Variants in ZFX observed in about 807,000 individuals in gnomAD.
ZFX encodes zinc finger protein X-linked, also known as zinc finger X-chromosomal protein.
For synonymous variants in ZFX, 196 were observed against 226.8 expected, an observed-to-expected ratio of 0.86 and a Z score of 1.22; for missense variants, 362 against 628.3, an observed-to-expected ratio of 0.58 and a Z score of 4.53.
chrX:24,153,148 GTAT>G (rs1468617677), intron 3 of ZFX, among the ~76,000 whole-genome samples: 1 of 111,783 alleles, frequency 8.9e-6, no homozygotes, highest in Admixed American at 9.5e-5. Flanking sequence ...AATCTTCTTT[GTAT>G]TATTTGTTCT....
chrX:24,187,465 AATG>A (rs756378447), intron 5 of ZFX, among the ~76,000 whole-genome samples: 6 of 112,056 alleles, frequency 5.4e-5, no homozygotes, highest in Non-Finnish European at 1.1e-4. Flanking sequence ...TTACAATAAT[AATG>A]AATTCCAAAT....
intron 5 of ZFX, among the ~76,000 whole-genome samples, chrX:24,186,634 T>C (rs73626813): frequency 0.032 from 3,484 of 110,249 alleles, 132 homozygotes; most frequent in African/African-American, 0.11. Flanking sequence ...TAAAAAAAAA[T>C]CAAAAACCAA....
chrX:24,164,474 C>T (rs1262797626), intron 3 of ZFX, among the ~76,000 whole-genome samples: 3 of 111,494 alleles, frequency 2.7e-5, no homozygotes, highest in Non-Finnish European at 5.6e-5. Context: ...ACTGAGTTTA[C>T]AGAACCTCAT....
intron 3 of ZFX, among the ~76,000 whole-genome samples, chrX:24,171,401 A>G (rs1445678183): frequency 1.8e-5 from 2 of 111,066 alleles, no homozygotes; most frequent in Non-Finnish European, 3.8e-5. Context: ...ACATGCTGAC[A>G]GTGGTAGAGG....
At chrX:24,187,154 G>A (rs764285892) in intron 5 of ZFX, among the ~76,000 whole-genome samples, 3 of 111,986 alleles carry the variant, frequency 2.7e-5, no homozygotes, top group African/African-American at 6.5e-5. Context: ...CATGCCTGTA[G>A]ATGTGCAGTG....
chrX:24,174,075 T>C (rs1209175744), intron 4 of ZFX, among the ~76,000 whole-genome samples: 1 of 109,821 alleles, frequency 9.1e-6, no homozygotes, highest in East Asian at 2.9e-4. Context: ...TATCTGGGTG[T>C]GGTGGTGCAC....
Position 24,210,330 on chromosome X carries a change from T to C in ZFX, c.1372T>C (p.Cys458Arg). 8.3e-7 allele frequency: 1 copy of C among 1,211,802 alleles called. No homozygotes were observed. Among genetic ancestry groups the C allele is most frequent in the Non-Finnish European group, 1.1e-6 (1 of 895,590 alleles). Reference sequence around the variant, plus strand: ...ACACCTTGCCAAGAAGAAATACCGCTGTACTGACTGTGATTACACTACCAA... The same window carrying C: ...ACACCTTGCCAAGAAGAAATACCGCCGTACTGACTGTGATTACACTACCAA... ...PEHLAKKKYR[C>R]TDCDYTTNKK... Residue 458 changes from cysteine to arginine, a missense_variant, in exon 10 of 10, where the codon TGT becomes CGT. Cys to Arg is a radical substitution (Grantham distance 180). Transcript: ENST00000304543.
chrX:24,168,832 G>A (rs946990137), intron 3 of ZFX, among the ~76,000 whole-genome samples: 1 of 110,063 alleles, frequency 9.1e-6, no homozygotes, highest in African/African-American at 3.3e-5. Context: ...CCTTGAGGGC[G>A]TTTGATAGTA....
chrX:24,179,856 T>A, intron 5 of ZFX, 86 bp downstream of exon 5: 1 of 833,549 alleles, frequency 1.2e-6, no homozygotes, highest in Non-Finnish European at 1.7e-6. Context: ...TTTCTTGACT[T>A]AAATGTCTGT....
rs752464015 is a variant in ZFX at position 24,201,840 on chromosome X, T to A, written c.647-5486T>A. Among the ~76,000 whole-genome samples the A allele has an allele frequency of 4.4e-5, 5 of 112,621 alleles. No individual in the cohort carries two copies. In the East Asian group the frequency reaches 1.4e-3, roughly 31 times the overall value. The stretch of plus-strand genomic sequence containing the variant: ...AATCAAAATACTTTAATTTAGATAG[T>A]TATGTCCAGCGTTTAGAGAACCTGT... On this transcript the variant is annotated intron_variant, in intron 5 of 9. Transcript: ENST00000304543.
chrX:24,185,095 G>A (rs958765113), intron 5 of ZFX, among the ~76,000 whole-genome samples: 4 of 111,966 alleles, frequency 3.6e-5, no homozygotes, highest in Non-Finnish European at 7.5e-5. Context: ...GGGATGACAG[G>A]CATGTGCCAC....
intron 5 of ZFX, among the ~76,000 whole-genome samples, chrX:24,185,223 C>G (rs1936008970): frequency 9.0e-6 from 1 of 111,337 alleles, no homozygotes; most frequent in Non-Finnish European, 1.9e-5. Context: ...ACTTCAGCCT[C>G]CCCAATTTCT....
In ZFX at chrX:24,211,640, GTTTTATATCTTAGAA is replaced by G. The variant is rs990879702; in HGVS notation, c.*273_*287del. The G allele has an allele frequency of 7.8e-5, 24 of 308,185 alleles. No homozygotes were observed. The Admixed American group carries it at 1.2e-3, about 15-fold the overall frequency. 25.4% of individuals were successfully genotyped at this position (308,185 alleles called of 1,213,427 possible). ...AAGTAATCCCTGATTCTATACCGAA[GTTTTATATCTTAGAA>G]TTTTATATTTATTTAAATATTTACC... On this transcript the variant is annotated 3_prime_UTR_variant, in exon 10 of 10. Coordinates refer to ENST00000304543, the MANE Select transcript of ZFX (RefSeq NM_003410.4).
intron 5 of ZFX, among the ~76,000 whole-genome samples, chrX:24,180,910 A>G (rs928876106): frequency 1.3e-4 from 15 of 112,085 alleles, no homozygotes; most frequent in African/African-American, 4.5e-4. Context: ...TGGAAAGACA[A>G]CCGTTATCTT....
At chrX:24,152,118 A>C (rs975761536) in intron 2 of ZFX, among the ~76,000 whole-genome samples, 1 of 110,222 alleles carries the variant, frequency 9.1e-6, no homozygotes, top group Non-Finnish European at 1.9e-5. Context: ...CGAAAATGAG[A>C]AATGAGTATT....
intron 5 of ZFX, among the ~76,000 whole-genome samples, chrX:24,204,414 C>T (rs1377530152): frequency 8.9e-6 from 1 of 111,784 alleles, no homozygotes; most frequent in East Asian, 2.8e-4. Flanking sequence ...GAGATCACGA[C>T]AGAACTTTGC....
intron 3 of ZFX, among the ~76,000 whole-genome samples, chrX:24,168,623 C>G (rs1224100101): frequency 1.9e-5 from 2 of 107,622 alleles, no homozygotes; most frequent in Non-Finnish European, 3.8e-5. Context: ...CTGGGTTCTC[C>G]TAGCCCATTA....
chrX:24,206,289 G>C (rs1163654659), intron 5 of ZFX, among the ~76,000 whole-genome samples: 1 of 112,108 alleles, frequency 8.9e-6, no homozygotes, highest in Non-Finnish European at 1.9e-5. Context: ...TTCAAGAATA[G>C]TGACCACGAA....
At chrX:24,182,680 C>T (rs1415318487) in intron 5 of ZFX, among the ~76,000 whole-genome samples, 1 of 111,062 alleles carries the variant, frequency 9.0e-6, no homozygotes, top group East Asian at 2.8e-4. Flanking sequence ...CCATTTTGGT[C>T]AGCAAAGGGA....
Sources: gnomAD v4.1 joint callset for allele counts (sites outside exome capture counted in the v4.1 genomes callset) on GRCh38, gnomAD v4.1.1 for gene constraint, MANE v1.5 for transcripts, NCBI Gene and HGNC (gene_info 2026-07-23, HGNC 2026-07-21) for gene names.